The following HEPH variants were observed in gnomAD, a reference collection of about 807,000 sequenced individuals.
The protein encoded by HEPH is hephaestin.
Under a neutral mutation model 80.8 loss-of-function variants are expected in HEPH, and 69 were observed. The ratio of observed to expected loss-of-function variants is 0.85; its 90% CI spans 0.70 to 1.04. The LOEUF (loss-of-function observed/expected upper bound fraction) is 1.04. Among genes scored for constraint, HEPH ranks in the 50% least tolerant of loss-of-function variants. HEPH has a pLI of 0.00. For missense variants in HEPH, 1,115 were observed against 891.3 expected, an observed-to-expected ratio of 1.25 and a Z score of -3.20; for synonymous variants, 431 against 322.8, an observed-to-expected ratio of 1.34 and a Z score of -3.60.
chrX:66,236,161 GGA>G (rs2090353796), intron 15 of HEPH, among the ~76,000 whole-genome samples: 1 of 111,426 alleles, frequency 9.0e-6, no homozygotes, highest in African/African-American at 3.3e-5. Flanking sequence ...GGGAGTTGTG[GGA>G]GAGTGCATCC....
intron 19 of HEPH, among the ~76,000 whole-genome samples, chrX:66,261,718 C>T (rs2091371125): frequency 9.0e-6 from 1 of 111,444 alleles, no homozygotes; most frequent in African/African-American, 3.3e-5. Flanking sequence ...TCTGTTTACC[C>T]TTAGAGAGAG....
chrX:66,235,185 A>G (rs1050168079), intron 15 of HEPH, among the ~76,000 whole-genome samples: 1 of 111,738 alleles, frequency 8.9e-6, no homozygotes, highest in African/African-American at 3.3e-5. Context: ...CACTGTGTAG[A>G]AACTCTTTAG....
rs1214048698 is a variant in HEPH, at chrX:66,197,752, A to G, written c.1571A>G (p.His524Arg). 2.5e-6 allele frequency: 3 copies of G among 1,209,729 alleles called. No individual in the cohort carries two copies. In the African/African-American group the frequency reaches 5.2e-5, roughly 21 times the overall value. The change falls in exon 10 of 21, where the codon CAT becomes CGT. Residue 524 changes from histidine (H) to arginine (R), a missense_variant. Coordinates refer to ENST00000343002, the MANE Select transcript of HEPH (RefSeq NM_001367233.3). ...KVTYRWTVPP[H>R]AGPTAQDPAC... ...ACATACCGCTGGACAGTCCCCCCTC[A>G]TGCCGGTCCCACTGCTCAGGATCCT...
At chrX:66,166,263 G>A (rs1011251779) in intron 1 of HEPH, among the ~76,000 whole-genome samples, 6 of 110,908 alleles carry the variant, frequency 5.4e-5, no homozygotes, top group Admixed American at 9.6e-5. Context: ...GTGCGATTTC[G>A]GCTCACCACA....
intron 4 of HEPH, among the ~76,000 whole-genome samples, chrX:66,177,527 C>A (rs1192600236): frequency 9.0e-6 from 1 of 111,603 alleles, no homozygotes; most frequent in East Asian, 2.8e-4. Flanking sequence ...TCATAGTAGC[C>A]TTGAATCTTT....
intron 20 of HEPH, among the ~76,000 whole-genome samples, chrX:66,264,904 T>C (rs1222542589): frequency 9.3e-6 from 1 of 107,427 alleles, no homozygotes; most frequent in African/African-American, 3.3e-5. Flanking sequence ...TTTGTGTGTA[T>C]ATTTGTATAT....
At chrX:66,243,977 C>A (rs1202915486) in intron 15 of HEPH, among the ~76,000 whole-genome samples, 11 of 111,850 alleles carry the variant, frequency 9.8e-5, no homozygotes, top group South Asian at 3.7e-4. Context: ...AATTTCTTTT[C>A]TTTAAAGATG....
At chrX:66,263,769 G>T in intron 20 of HEPH, 81 bp downstream of exon 20, 1 of 926,949 alleles carries the variant, frequency 1.1e-6, no homozygotes, top group Non-Finnish European at 1.6e-6. Context: ...TTTAGGGTAT[G>T]GGACTTATGT....
intron 12 of HEPH, 101 bp downstream of exon 12, chrX:66,200,853 T>A: frequency 3.2e-6 from 2 of 624,988 alleles, no homozygotes; most frequent in Non-Finnish European, 5.0e-6. Context: ...AATAGGCATG[T>A]TAAGGGTTCT....
chrX:66,187,134 T>C (rs766340250), intron 4 of HEPH, among the ~76,000 whole-genome samples: 2 of 111,574 alleles, frequency 1.8e-5, no homozygotes, highest in East Asian at 5.6e-4. Context: ...ATCCCTTCAC[T>C]TCTTATTTTT....
chrX:66,162,694 G>A (rs1489003735), upstream of HEPH: 4 of 1,149,327 alleles, frequency 3.5e-6, no homozygotes, highest in Non-Finnish European at 4.6e-6. Flanking sequence ...CAGCGCCTAA[G>A]TGTCTGAGCA....
chrX:66,266,002 T>G (rs1288822716), intron 20 of HEPH, among the ~76,000 whole-genome samples: 1 of 112,181 alleles, frequency 8.9e-6, no homozygotes, highest in Non-Finnish European at 1.9e-5. Flanking sequence ...TAGCAGGTTC[T>G]TGTCATGGTT....
intron 15 of HEPH, among the ~76,000 whole-genome samples, chrX:66,236,559 A>G (rs780665607): frequency 8.9e-6 from 1 of 111,979 alleles, no homozygotes; most frequent in African/African-American, 3.2e-5. Context: ...CATCAAGGAT[A>G]TGGCCTGAAG....
At chrX:66,254,875 G>A (rs1273330474) in intron 15 of HEPH, among the ~76,000 whole-genome samples, 160 bp from the exon 16 acceptor site, 1 of 109,973 alleles carries the variant, frequency 9.1e-6, no homozygotes, top group African/African-American at 3.3e-5. Context: ...GGTGTCCCAG[G>A]AGGGAGAAGA....
intron 15 of HEPH, among the ~76,000 whole-genome samples, chrX:66,208,760 T>C (rs2088953434): frequency 9.9e-6 from 1 of 101,499 alleles, no homozygotes; most frequent in Non-Finnish European, 2.0e-5. Flanking sequence ...ATTTTCTCAA[T>C]CCCCGAATAG....
intron 18 of HEPH, among the ~76,000 whole-genome samples, chrX:66,259,228 G>A (rs1236925864): frequency 9.0e-6 from 1 of 111,713 alleles, no homozygotes; most frequent in Non-Finnish European, 1.9e-5. Flanking sequence ...GGAGACTGAA[G>A]GAATCAATAT....
chrX:66,181,953 G>A (rs1377402018), intron 4 of HEPH, among the ~76,000 whole-genome samples: 1 of 110,696 alleles, frequency 9.0e-6, no homozygotes, highest in Non-Finnish European at 1.9e-5. Flanking sequence ...TTATTAAATA[G>A]GGAATCCTTT....
At chrX:66,250,210 T>C (rs1205106214) in intron 15 of HEPH, among the ~76,000 whole-genome samples, 2 of 111,565 alleles carry the variant, frequency 1.8e-5, no homozygotes, top group Non-Finnish European at 3.8e-5. Flanking sequence ...GATGACTCTT[T>C]CCAACACTCA....
chrX:66,244,629 C>T (rs775222793), intron 15 of HEPH, among the ~76,000 whole-genome samples: 3 of 111,235 alleles, frequency 2.7e-5, no homozygotes, highest in Non-Finnish European at 3.8e-5. Flanking sequence ...CATTCCTATC[C>T]ATACTCTGAA....
Sources: gnomAD v4.1 joint callset for allele counts (sites outside exome capture counted in the v4.1 genomes callset) on GRCh38, gnomAD v4.1.1 for gene constraint, MANE v1.5 for transcripts, NCBI Gene and HGNC (gene_info 2026-07-23, HGNC 2026-07-21) for gene names.